The following KBTBD12 variants were observed in gnomAD, a reference collection of about 807,000 sequenced individuals.
The protein encoded by KBTBD12 is kelch repeat and BTB domain containing 12.
Under a neutral mutation model 58.7 loss-of-function variants are expected in KBTBD12, and 53 were observed. That is an observed-to-expected ratio of 0.90 (90% CI 0.72 to 1.14). The LOEUF is 1.14. Ranked by LOEUF, KBTBD12 falls within the 50% of genes most tolerant of loss-of-function variation. The pLI is 0.00. For missense variants in KBTBD12, 704 were observed against 751.3 expected (o/e 0.94, Z 0.74); for synonymous variants, 236 against 259.8 (o/e 0.91, Z 0.88).
In KBTBD12 at chr3:127,923,719, G is replaced by T. The variant is rs1374120092; in HGVS notation, c.658G>T (p.Val220Phe). The T allele has an allele frequency of 1.9e-6, 3 of 1,613,728 alleles. No individual in the cohort carries two copies. In the African/African-American group the frequency reaches 4.0e-5, roughly 22 times the overall value. The change falls in exon 2 of 6, where the codon GTC (valine) becomes TTC (phenylalanine). Residue 220 changes from valine (V) to phenylalanine (F), a missense_variant. Transcript: ENST00000405109. ...TVHLVELLKQ[V>F]RLELVNPSFL... The stretch of plus-strand genomic sequence containing the variant: ...GCATCTTGTTGAGCTTTTGAAGCAA[G>T]TCAGATTGGAACTTGTAAATCCTTC...
chr3:127,954,447 A>G (rs1003145236), intron 4 of KBTBD12, among the ~76,000 whole-genome samples: 9 of 152,176 alleles, frequency 5.9e-5, no homozygotes, highest in African/African-American at 2.2e-4. Flanking sequence ...ATATGGTACC[A>G]GGGGCTGTCT....
chr3:127,963,356 C>T lies in KBTBD12; in HGVS notation c.1660C>T (p.Leu554Phe), dbSNP rs1485068341. 3.1e-6 allele frequency: 5 copies of T among 1,611,980 alleles called. No homozygotes were observed. Among genetic ancestry groups the T allele is most frequent in the South Asian group, 2.2e-5 (2 of 90,348 alleles). Residue 554 changes from leucine to phenylalanine, a missense_variant, in exon 5 of 6, where the codon CTC becomes TTC. Transcript: ENST00000405109. ...CAATGCAGGGGCAGTGGATGGGAAA[C>T]TCTATGTCTGCGGGGGATTCCATGG... is the stretch of plus-strand genomic sequence containing the variant. ...STNAGAVDGK[L>F]YVCGGFHGAD...
chr3:127,928,386 A>G (rs910586810), intron 3 of KBTBD12, among the ~76,000 whole-genome samples: 1 of 152,234 alleles, frequency 6.6e-6, no homozygotes, highest in Non-Finnish European at 1.5e-5. Flanking sequence ...TGTGTCTAAT[A>G]GCTCTGTGAC....
At chr3:127,982,813 C>A (rs970887089) in intron 5 of KBTBD12, among the ~76,000 whole-genome samples, 3 of 152,224 alleles carry the variant, frequency 2.0e-5, no homozygotes, top group African/African-American at 7.2e-5. Context: ...ACAGTGACAG[C>A]CCCTTGCTGT....
At chr3:127,965,189 G>C (rs1477803229) in intron 5 of KBTBD12, among the ~76,000 whole-genome samples, 1 of 152,176 alleles carries the variant, frequency 6.6e-6, no homozygotes, top group African/African-American at 2.4e-5. Flanking sequence ...GTTTTGTCTT[G>C]CTTCTTTATC....
intron 5 of KBTBD12, among the ~76,000 whole-genome samples, chr3:127,965,962 G>T (rs1275481916): frequency 6.6e-6 from 1 of 152,234 alleles, no homozygotes; most frequent in African/African-American, 2.4e-5. Context: ...AAAGGTAACT[G>T]TGGACATTGA....
intron 1 of KBTBD12, among the ~76,000 whole-genome samples, chr3:127,920,629 G>A (rs1023353852): frequency 2.0e-5 from 3 of 152,004 alleles, no homozygotes. Flanking sequence ...ATATAGTAAA[G>A]ATAATGTAAA....
intron 5 of KBTBD12, among the ~76,000 whole-genome samples, chr3:127,982,569 C>T (rs1416772654): frequency 1.3e-5 from 2 of 152,220 alleles, no homozygotes; most frequent in African/African-American, 2.4e-5. Context: ...TCTTCTGCCT[C>T]GTGCCTCTGG....
At chr3:127,970,185 C>A (rs1940656359) in intron 5 of KBTBD12, among the ~76,000 whole-genome samples, 1 of 152,130 alleles carries the variant, frequency 6.6e-6, no homozygotes, top group South Asian at 2.1e-4. Flanking sequence ...TAGTGCTCAA[C>A]ATCATTAGCC....
intron 5 of KBTBD12, among the ~76,000 whole-genome samples, chr3:127,973,306 G>C (rs891224041): frequency 1.3e-5 from 2 of 152,032 alleles, no homozygotes; most frequent in Non-Finnish European, 2.9e-5. Flanking sequence ...AACTGACCCT[G>C]ACTCAAAAAA....
chr3:127,936,275 A>T (rs1475958645), intron 4 of KBTBD12, among the ~76,000 whole-genome samples: 1 of 152,052 alleles, frequency 6.6e-6, no homozygotes, highest in Non-Finnish European at 1.5e-5. Context: ...CTGTGGCAGG[A>T]GAATCTCTTG....
At chr3:127,924,272 C>T (rs575052956) in intron 2 of KBTBD12, 141 bp downstream of exon 2, 1 of 547,978 alleles carries the variant, frequency 1.8e-6, no homozygotes, top group African/African-American at 1.9e-5. Flanking sequence ...GAATAGTATA[C>T]AGAACATGCT....
chr3:127,923,307 G>T lies in KBTBD12; in HGVS notation c.246G>T (p.Val82=), dbSNP rs758895181. The T allele has an allele frequency of 3.1e-6, 5 of 1,613,728 alleles. No individual in the cohort carries two copies. In the Admixed American group the frequency reaches 5.0e-5, roughly 16 times the overall value. Reference sequence around the variant, plus strand: ...TTTATGACATCACAGCAGAAAGTGTGTCGGTGTTATTAAATTACATGTACA... The same window carrying T: ...TTTATGACATCACAGCAGAAAGTGTTTCGGTGTTATTAAATTACATGTACA... ...VILYDITAES[V]SVLLNYMYNA... Residue 82 remains valine (V), a synonymous_variant, in exon 2 of 6, where the codon GTG becomes GTT. Transcript: ENST00000405109.
intron 1 of KBTBD12, among the ~76,000 whole-genome samples, chr3:127,919,055 G>T (rs558309315): frequency 1.4e-3 from 209 of 152,300 alleles, no homozygotes; most frequent in Non-Finnish European, 2.0e-3. Flanking sequence ...AAGGAACAAA[G>T]TGTAAGACCC....
intron 5 of KBTBD12, among the ~76,000 whole-genome samples, chr3:127,965,376 T>C (rs1176027739): frequency 1.3e-5 from 2 of 152,206 alleles, no homozygotes; most frequent in African/African-American, 2.4e-5. Context: ...TAATTATTTG[T>C]TTCTAAGATG....
In KBTBD12 at chr3:127,923,427, A is replaced by G; in HGVS notation, c.366A>G (p.Lys122=). 6.2e-7 allele frequency: 1 copy of G among 1,612,652 alleles called. No individual in the cohort carries two copies. The highest frequency in any genetic ancestry group is 8.5e-7 in the Non-Finnish European group (1 of 1,179,778). ...AAGAAGTCTTCAGTGTGTGTCAAAA[A>G]TATATGATGGACCACATGGATGCCT... ...QMEEVFSVCQ[K]YMMDHMDASN... Residue 122 remains lysine, a synonymous_variant, in exon 2 of 6, where the codon AAA becomes AAG. Transcript: ENST00000405109.
intron 4 of KBTBD12, 55 bp from the exon 5 acceptor site, chr3:127,963,134 C>A: frequency 6.9e-7 from 1 of 1,453,996 alleles, no homozygotes; most frequent in Non-Finnish European, 9.3e-7. Flanking sequence ...GCAGTGCTGT[C>A]CACAATTGAG....
At position 127,963,223 on chromosome 3, in the gene KBTBD12, G is replaced by T; in HGVS notation, c.1527G>T (p.Gln509His). ...GIGCVGQDKG[Q>H]VRKCLDVVEI... is the part of the protein sequence containing the mutation. ...GCTGTGTAGGTCAAGACAAGGGCCA[G>T]GTTCGAAAATGCCTTGACGTGGTGG... The change falls in exon 5 of 6, where the codon CAG (glutamine) becomes CAT (histidine). Residue 509 changes from glutamine (Q) to histidine (H), a missense_variant. Transcript: ENST00000405109. 6.2e-7 allele frequency: 1 copy of T among 1,612,288 alleles called. No individual in the cohort carries two copies. Among genetic ancestry groups the T allele is most frequent in the Non-Finnish European group, 8.5e-7 (1 of 1,179,194 alleles).
chr3:127,960,470 CAG>C (rs1229242864), intron 4 of KBTBD12, among the ~76,000 whole-genome samples: 11 of 152,276 alleles, frequency 7.2e-5, no homozygotes, highest in African/African-American at 2.2e-4. Context: ...AAGTCATGCT[CAG>C]AGGTTCGTAT....
Sources: allele counts gnomAD v4.1 joint callset (sites outside exome capture counted in the v4.1 genomes callset), GRCh38; gene constraint gnomAD v4.1.1; transcripts MANE v1.5; gene names NCBI Gene and HGNC (gene_info 2026-07-23, HGNC 2026-07-21).